Variants in KATNIP observed in about 807,000 individuals in gnomAD.
The protein encoded by KATNIP is katanin-interacting protein.
KATNIP carries 126 observed loss-of-function variants against 174.0 expected under a neutral mutation model. The observed-to-expected ratio is 0.72, with a 90% CI of 0.63 to 0.84. KATNIP has a LOEUF of 0.84. KATNIP is among the 40% of genes least tolerant of loss of function. The pLI, the probability that KATNIP is intolerant of heterozygous loss-of-function variation, is 0.00. For synonymous variants in KATNIP, 810 were observed against 835.7 expected, an observed-to-expected ratio of 0.97 and a Z score of 0.53; for missense variants, 1,958 against 2,109.7, an observed-to-expected ratio of 0.93 and a Z score of 1.41.
At chr16:27,658,522 T>A (rs1184881116) in intron 6 of KATNIP, among the ~76,000 whole-genome samples, 1 of 152,168 alleles carries the variant, frequency 6.6e-6, no homozygotes, top group African/African-American at 2.4e-5. Flanking sequence ...AAAGCTTTTC[T>A]ACATTGTACA....
chr16:27,719,370 C>T (rs558515192), intron 13 of KATNIP, among the ~76,000 whole-genome samples: 1 of 152,142 alleles, frequency 6.6e-6, no homozygotes, highest in Admixed American at 6.5e-5. Context: ...AAATCTCCCC[C>T]CTCCACCACC....
At chr16:27,757,237 C>G (rs932610202) in intron 18 of KATNIP, among the ~76,000 whole-genome samples, 2 of 152,154 alleles carry the variant, frequency 1.3e-5, no homozygotes, top group Non-Finnish European at 2.9e-5. Context: ...GGTGTGCCAC[C>G]GTGCCCGGCT....
At chr16:27,752,737 A>G (rs2081566677) in intron 17 of KATNIP, among the ~76,000 whole-genome samples, 1 of 151,676 alleles carries the variant, frequency 6.6e-6, no homozygotes, top group African/African-American at 2.4e-5. Context: ...TATTTTTTGT[A>G]GAGATGTGGT....
intron 14 of KATNIP, among the ~76,000 whole-genome samples, chr16:27,724,057 A>G (rs1252904502): frequency 2.6e-5 from 4 of 152,194 alleles, no homozygotes; most frequent in Admixed American, 6.6e-5. Flanking sequence ...CAAACATCTG[A>G]AGTTTAAACT....
intron 1 of KATNIP, among the ~76,000 whole-genome samples, chr16:27,558,795 G>T (rs2089733163): frequency 6.6e-6 from 1 of 151,006 alleles, no homozygotes; most frequent in East Asian, 1.9e-4. Context: ...TGGCAGATCT[G>T]ATTTGATTCC....
intron 3 of KATNIP, among the ~76,000 whole-genome samples, chr16:27,621,498 C>A (rs1222421942): frequency 6.6e-6 from 1 of 152,160 alleles, no homozygotes; most frequent in East Asian, 1.9e-4. Flanking sequence ...AGGTATCTTT[C>A]CTAATGCTTC....
At chr16:27,653,264 A>C (rs233469) in intron 6 of KATNIP, among the ~76,000 whole-genome samples, 129,227 of 152,220 alleles carry the variant, frequency 0.85, 54,909 homozygotes, top group East Asian at 1. Flanking sequence ...GCCACCCTGA[A>C]GTCTTCTGGA....
intron 3 of KATNIP, among the ~76,000 whole-genome samples, chr16:27,621,748 C>CA (rs2076203062): frequency 1.3e-5 from 2 of 151,336 alleles, no homozygotes; most frequent in Non-Finnish European, 2.9e-5. Flanking sequence ...AAAGTGAAAG[C>CA]AGGCACATCA....
chr16:27,668,781 G>A (rs1232350110), intron 6 of KATNIP, among the ~76,000 whole-genome samples: 1 of 152,234 alleles, frequency 6.6e-6, no homozygotes, highest in Non-Finnish European at 1.5e-5. Flanking sequence ...TGAGGCAGGA[G>A]GATTGCTTGA....
chr16:27,568,153 T>C (rs1298668783), intron 1 of KATNIP, among the ~76,000 whole-genome samples: 6 of 152,236 alleles, frequency 3.9e-5, no homozygotes, highest in Admixed American at 1.3e-4. Flanking sequence ...GATTTTTTTT[T>C]CCACCTAAAA....
chr16:27,702,542 A>G (rs571762342), intron 11 of KATNIP, among the ~76,000 whole-genome samples: 1 of 152,312 alleles, frequency 6.6e-6, no homozygotes, highest in African/African-American at 2.4e-5. Flanking sequence ...ACAGCTGTGC[A>G]TGTTGTGCAC....
intron 22 of KATNIP, 138 bp from the exon 23 acceptor site, chr16:27,772,961 C>G: frequency 1.6e-6 from 1 of 607,050 alleles, no homozygotes; most frequent in Non-Finnish European, 2.9e-6. Context: ...TTGATAGGCT[C>G]TAGTTGCAAT....
intron 13 of KATNIP, among the ~76,000 whole-genome samples, chr16:27,709,638 C>A (rs1467532179): frequency 1.3e-5 from 2 of 151,506 alleles, no homozygotes; most frequent in African/African-American, 4.9e-5. Context: ...GACTCTGTCT[C>A]AAAAAAAATA....
chr16:27,698,689 T>C (rs1029294328), intron 9 of KATNIP, among the ~76,000 whole-genome samples, 189 bp downstream of exon 9: 8 of 152,350 alleles, frequency 5.3e-5, no homozygotes, highest in African/African-American at 1.7e-4. Flanking sequence ...TCTTCCGCCT[T>C]CTTTTAGCTC....
intron 19 of KATNIP, among the ~76,000 whole-genome samples, chr16:27,763,596 C>T (rs1268883363): frequency 2.4e-5 from 3 of 124,676 alleles, no homozygotes; most frequent in Non-Finnish European, 4.8e-5. Context: ...GCCTGGGCAA[C>T]AGAGCGGGAC....
intron 14 of KATNIP, among the ~76,000 whole-genome samples, chr16:27,730,733 C>T (rs746352025): frequency 6.6e-6 from 1 of 152,320 alleles, no homozygotes; most frequent in South Asian, 2.1e-4. Flanking sequence ...CAGTGACACC[C>T]TTCCTGGCAT....
In KATNIP at chr16:27,662,045, C is replaced by T. The variant is rs868810146; in HGVS notation, c.540+13310C>T. Among the ~76,000 whole-genome samples, 9 of 15,412 alleles carry T rather than the reference C, an allele frequency of 5.8e-4. 2 individuals carry two copies. Among genetic ancestry groups the T allele is most frequent in the Non-Finnish European group, 1.2e-3 (8 of 6,848 alleles). 10.1% of individuals were successfully genotyped at this position (15,412 alleles called of 152,430 possible). A position where few individuals can be genotyped will look rare whatever the true frequency, so the allele number is the denominator to read the frequency against. On this transcript the variant is annotated intron_variant, in intron 6 of 27. Transcript: ENST00000261588. ...ATACATATATATATATATATATACA[C>T]ATACATATATATATATATATATATA...
Position 27,761,453 on chromosome 16 carries a change from C to T in KATNIP, c.3672C>T (p.His1224=). Residue 1224 remains histidine (H), a synonymous_variant, in exon 19 of 28, where the codon CAC becomes CAT. Coordinates refer to ENST00000261588, the MANE Select transcript of KATNIP (RefSeq NM_015202.5). ...LNFTASWGDL[H]YLGLTGLEVV... Reference sequence around the variant, plus strand: ...TCACTGCCTCCTGGGGAGACTTGCACTACCTGGGGCTCACTGGCCTGGAAG... The same window carrying T: ...TCACTGCCTCCTGGGGAGACTTGCATTACCTGGGGCTCACTGGCCTGGAAG... 1 of 1,613,640 alleles carries T rather than the reference C, an allele frequency of 6.2e-7. No homozygotes were observed. Among genetic ancestry groups the T allele is most frequent in the Non-Finnish European group, 8.5e-7 (1 of 1,179,854 alleles).
At chr16:27,650,280 G>GTTCACAC (rs2077080948) in intron 6 of KATNIP, among the ~76,000 whole-genome samples, 1 of 152,198 alleles carries the variant, frequency 6.6e-6, no homozygotes, top group Admixed American at 6.5e-5. Flanking sequence ...GGAGCAGGAT[G>GTTCACAC]CAGGCACAGT....
Sources: gnomAD v4.1 joint callset for allele counts (sites outside exome capture counted in the v4.1 genomes callset) on GRCh38, gnomAD v4.1.1 for gene constraint, MANE v1.5 for transcripts, NCBI Gene and HGNC (gene_info 2026-07-23, HGNC 2026-07-21) for gene names.